The following KAZN variants were observed in gnomAD, a reference collection of about 807,000 sequenced individuals.
The protein encoded by KAZN is kazrin, periplakin interacting protein.
In KAZN, 40 loss-of-function variants were observed where a neutral mutation model predicts 87.4. That is an observed-to-expected ratio of 0.46 (90% confidence interval 0.36 to 0.60). The LOEUF is 0.60. Ranked by LOEUF, KAZN falls within the 20% of genes least tolerant of loss-of-function variation. The pLI is 0.00. For missense variants in KAZN, 898 were observed against 1,073.9 expected, an observed-to-expected ratio of 0.84 and a Z score of 2.29; for synonymous variants, 466 against 458.3, an observed-to-expected ratio of 1.02 and a Z score of -0.22.
At chr1:15,005,648 C>G (rs1186626660) in intron 2 of KAZN, among the ~76,000 whole-genome samples, 3 of 151,976 alleles carry the variant, frequency 2.0e-5, no homozygotes, top group Non-Finnish European at 4.4e-5. Flanking sequence ...AATAACTAGA[C>G]ATAGTGGCAC....
chr1:13,964,187 T>C lies in KAZN; in HGVS notation c.91+70431T>C, dbSNP rs543931683. On this transcript the variant is annotated intron_variant, in intron 1 of 16. Transcript: ENST00000636203. ...TATGTGCATCAGTGAATAAAACATA[T>C]GTCTTCCCTGGAGGAGATACTATAG... Among the ~76,000 whole-genome samples the C allele has an allele frequency of 1.6e-3, 237 of 152,320 alleles. 1 individual carries two copies. The highest frequency in any genetic ancestry group is 5.6e-3 in the African/African-American group (234 of 41,580).
At chr1:14,294,881 T>C (rs1653994397) in intron 2 of KAZN, among the ~76,000 whole-genome samples, 1 of 151,318 alleles carries the variant, frequency 6.6e-6, no homozygotes, top group Non-Finnish European at 1.5e-5. Flanking sequence ...CATAACTCCT[T>C]GGCCAAGCTC....
chr1:14,665,637 G>C (rs1269055540), intron 1 of KAZN, among the ~76,000 whole-genome samples: 1 of 152,074 alleles, frequency 6.6e-6, no homozygotes, highest in Non-Finnish European at 1.5e-5. Flanking sequence ...GAACCTCTCA[G>C]TGTATCCGTT....
At chr1:14,878,445 A>G (rs74059640) in intron 1 of KAZN, among the ~76,000 whole-genome samples, 1,969 of 151,666 alleles carry the variant, frequency 0.013, 43 homozygotes, top group African/African-American at 0.045. Context: ...AATCCCCCCT[A>G]CCCATCCCCA....
At position 14,173,098 on chromosome 1, in the gene KAZN, C is replaced by T. The variant is rs558152040; in HGVS notation, c.92-7337C>T. Among the ~76,000 whole-genome samples the T allele has an allele frequency of 5.3e-5, 8 of 152,162 alleles. No homozygotes were observed. The South Asian group carries it at 1.3e-3, about 24-fold the overall frequency. ...TTGTCACTAAGGCCAGCCAGACTCA[C>T]GAGGAGGGGATTCTGACCTTATTTC... On this transcript the variant is annotated intron_variant, in intron 1 of 16. Coordinates refer to the KAZN transcript ENST00000636203.
At chr1:14,192,731 G>C (rs1264411820) in intron 2 of KAZN, among the ~76,000 whole-genome samples, 2 of 152,182 alleles carry the variant, frequency 1.3e-5, no homozygotes, top group Admixed American at 6.5e-5. Flanking sequence ...GCAGAACACA[G>C]TTTGCAAATG....
rs183027614 is a variant in KAZN, at chr1:14,088,189, T to G, written c.92-92246T>G. Among the ~76,000 whole-genome samples, 206 of 151,768 alleles carry G rather than the reference T, an allele frequency of 1.4e-3. 1 individual carries two copies. The highest frequency in any genetic ancestry group is 4.8e-3 in the African/African-American group (199 of 41,526). On this transcript the variant is annotated intron_variant, in intron 1 of 16. Coordinates refer to the KAZN transcript ENST00000636203. ...ATAAGCTTTTAGCTTTGGGTTTAAT[T>G]TTTGCATCTTTTTCTAGTTTCTTAA...
chr1:14,241,732 G>A (rs543906509), intron 2 of KAZN, among the ~76,000 whole-genome samples: 1 of 152,282 alleles, frequency 6.6e-6, no homozygotes, highest in South Asian at 2.1e-4. Context: ...CCATAGTCAG[G>A]AGGAGATATG....
intron 13 of KAZN, among the ~76,000 whole-genome samples, chr1:15,104,979 T>C (rs1222922169): frequency 2.0e-5 from 3 of 152,264 alleles, no homozygotes; most frequent in Non-Finnish European, 4.4e-5. Flanking sequence ...GAATTTCATA[T>C]GTCAAACCAA....
chr1:14,001,003 C>T (rs1033883108), intron 1 of KAZN, among the ~76,000 whole-genome samples: 4 of 151,678 alleles, frequency 2.6e-5, no homozygotes, highest in African/African-American at 7.3e-5. Flanking sequence ...GGGATGGTCT[C>T]GATCTCCTGA....
intron 1 of KAZN, among the ~76,000 whole-genome samples, chr1:13,936,096 G>GGTTTTTTTTTTTTTT (rs1640726491): frequency 1.2e-5 from 1 of 84,840 alleles, no homozygotes; most frequent in East Asian, 4.2e-4. Flanking sequence ...TACAAGTGCA[G>GGTTTTTTTTTTTTTT]TTTTTTTTTT....
intron 4 of KAZN, among the ~76,000 whole-genome samples, chr1:15,044,481 G>A (rs1673269592): frequency 6.6e-6 from 1 of 152,100 alleles, no homozygotes; most frequent in Non-Finnish European, 1.5e-5. Flanking sequence ...TAGTGCAGTG[G>A]CTCATGCCTG....
chr1:15,084,060 A>G (rs545953989), intron 8 of KAZN, among the ~76,000 whole-genome samples: 1 of 152,342 alleles, frequency 6.6e-6, no homozygotes, highest in Non-Finnish European at 1.5e-5. Flanking sequence ...AGGCTTCCCA[A>G]AGGAATATCC....
intron 2 of KAZN, among the ~76,000 whole-genome samples, chr1:14,965,982 C>CTTTTTT (rs71306999): frequency 1.1e-4 from 14 of 129,166 alleles, no homozygotes; most frequent in South Asian, 2.4e-4. Flanking sequence ...CTTTCCTTTT[C>CTTTTTT]TTTTTTTTTT....
rs776993711 is a variant in KAZN at position 14,769,851 on chromosome 1, G to A, written c.226+170628G>A. ...TATGACGGGATAGGTAGATGTTGAC[G>A]AAGTAACTGAGTATTCTGGGTTTGG... On this transcript the variant is annotated intron_variant, in intron 1 of 14. Coordinates refer to ENST00000376030, the MANE Select transcript of KAZN (RefSeq NM_201628.3). This position sits in a 1 kb window ranked among gnomAD's most constrained non-coding sequence, Gnocchi z 4.1. Among the ~76,000 whole-genome samples the A allele has an allele frequency of 4.5e-4, 68 of 152,216 alleles. 5 individuals carry two copies. The highest frequency in any genetic ancestry group is 5.9e-5 in the Non-Finnish European group (4 of 68,042).
intron 2 of KAZN, among the ~76,000 whole-genome samples, chr1:14,489,938 C>T (rs1298853947): frequency 1.3e-5 from 2 of 152,082 alleles, no homozygotes; most frequent in Non-Finnish European, 2.9e-5. Context: ...CTAGAATAGA[C>T]TTGCTGGAAA....
intron 1 of KAZN, among the ~76,000 whole-genome samples, chr1:14,908,563 A>T (rs1206322879): frequency 1.3e-5 from 2 of 152,080 alleles, no homozygotes; most frequent in African/African-American, 4.8e-5. Context: ...GAAAGAAACA[A>T]GAAGAAAAAT....
At chr1:13,995,953 G>A (rs918066706) in intron 1 of KAZN, among the ~76,000 whole-genome samples, 21 of 152,308 alleles carry the variant, frequency 1.4e-4, no homozygotes, top group African/African-American at 4.8e-4. Flanking sequence ...GGCTCCCATG[G>A]AAAAGAACCA....
chr1:14,369,216 TTG>T (rs1170474494), intron 2 of KAZN, among the ~76,000 whole-genome samples: 4 of 152,016 alleles, frequency 2.6e-5, no homozygotes, highest in African/African-American at 9.7e-5. Context: ...GTTCTCGATT[TTG>T]TGTGTGTGTG....
Sources: gnomAD v4.1 joint callset for allele counts (sites outside exome capture counted in the v4.1 genomes callset) on GRCh38, gnomAD v4.1.1 for gene constraint, Gnocchi (gnomAD v3.1) non-coding constraint, MANE v1.5 for transcripts, NCBI Gene and HGNC (gene_info 2026-07-23, HGNC 2026-07-21) for gene names.